The following RASEF variants were observed in gnomAD, a reference collection of about 807,000 sequenced individuals.
RASEF encodes the protein RAS and EF-hand domain containing.
A neutral mutation model predicts 90.1 loss-of-function variants in RASEF; 68 were observed. That is an observed-to-expected ratio of 0.75 (90% CI 0.62 to 0.92). The LOEUF is 0.92. Among genes scored for constraint, RASEF ranks in the 40% least tolerant of loss-of-function variants. The pLI is 0.00. For missense variants in RASEF, 949 were observed against 937.2 expected (o/e 1.01, Z -0.16); for synonymous variants, 331 against 345.2 (o/e 0.96, Z 0.46).
the RASEF span, among the ~76,000 whole-genome samples, chr9:83,069,563 GTTGA>G: frequency 6.6e-6 from 1 of 152,138 alleles, no homozygotes; most frequent in Non-Finnish European, 1.5e-5. Flanking sequence ...CCATTACTTT[GTTGA>G]TTGATATTTG....
the RASEF span, among the ~76,000 whole-genome samples, chr9:83,213,454 C>A: frequency 6.6e-6 from 1 of 151,650 alleles, no homozygotes; most frequent in Non-Finnish European, 1.5e-5. Flanking sequence ...ACTACATATT[C>A]TAAAAGAAGA....
chr9:83,057,220 T>C (rs1041768013), intron 1 of RASEF, among the ~76,000 whole-genome samples: 4 of 152,058 alleles, frequency 2.6e-5, no homozygotes, highest in African/African-American at 7.2e-5. Context: ...AATAAACCCA[T>C]CCAAATTGGA....
chr9:83,213,139 T>A, the RASEF span, among the ~76,000 whole-genome samples: 1 of 150,002 alleles, frequency 6.7e-6, no homozygotes, highest in Admixed American at 6.6e-5. Context: ...GTGGCTCACA[T>A]CTGTAATCTC....
the RASEF span, among the ~76,000 whole-genome samples, chr9:83,212,507 G>A: frequency 7.2e-5 from 11 of 152,332 alleles, no homozygotes; most frequent in East Asian, 2.1e-3. Flanking sequence ...TAAGAGCATT[G>A]TATACAACTG....
the RASEF span, among the ~76,000 whole-genome samples, chr9:83,133,530 C>T: frequency 2.0e-5 from 3 of 152,082 alleles, no homozygotes; most frequent in Non-Finnish European, 4.4e-5. Flanking sequence ...AATGATCTAA[C>T]CTATGACTCA....
chr9:83,041,612 T>C (rs561489037), intron 1 of RASEF, among the ~76,000 whole-genome samples: 3 of 152,336 alleles, frequency 2.0e-5, no homozygotes, highest in African/African-American at 4.8e-5. Flanking sequence ...TCCATGGTGC[T>C]TGGGGTACAT....
Position 83,019,233 on chromosome 9 carries a change from T to G in RASEF, c.669+3103A>C, listed in dbSNP as rs1321425734. Among the ~76,000 whole-genome samples the G allele has an allele frequency of 2.0e-5, 3 of 152,008 alleles. No homozygotes were observed. In the East Asian group the frequency reaches 5.8e-4, roughly 29 times the overall value. ...CAGGTATCTGATAAAAGACTTGCAT[T>G]CAGAATATAAAAGAACTCTCAAAAC... On this transcript the variant is annotated intron_variant, in intron 3 of 16. Coordinates refer to ENST00000376447, the MANE Select transcript of RASEF (RefSeq NM_152573.4).
At position 82,987,397 on chromosome 9, in the gene RASEF, A is replaced by T. The variant is rs952353496; in HGVS notation, c.2117+2994T>A. ...CTTATCTTATTTCTTTACTTGTCTAAAGCTTTTTAAAATAACTATAACCTA... is the reference window on the plus strand; with the variant it reads ...CTTATCTTATTTCTTTACTTGTCTATAGCTTTTTAAAATAACTATAACCTA... On this transcript the variant is annotated intron_variant, in intron 16 of 16. Transcript: ENST00000376447. 5.3e-5 allele frequency among the ~76,000 whole-genome samples: 8 copies of T among 152,342 alleles called. No individual in the cohort carries two copies. The South Asian group carries it at 1.7e-3, about 32-fold the overall frequency.
At chr9:83,142,966 T>C in the RASEF span, among the ~76,000 whole-genome samples, 2 of 152,190 alleles carry the variant, frequency 1.3e-5, no homozygotes, top group South Asian at 2.1e-4. Flanking sequence ...CGAGTGAAAG[T>C]TGGTGAAGTA....
At chr9:83,016,261 TG>T (rs1443654747) in intron 3 of RASEF, among the ~76,000 whole-genome samples, 1 of 152,200 alleles carries the variant, frequency 6.6e-6, no homozygotes, top group African/African-American at 2.4e-5. Flanking sequence ...AATCCTATCA[TG>T]TCATCAGGAC....
At chr9:82,998,501 T>C (rs146269022) in intron 12 of RASEF, 55 bp from the exon 13 acceptor site, 2 of 1,152,488 alleles carry the variant, frequency 1.7e-6, no homozygotes, top group Non-Finnish European at 1.3e-6. Flanking sequence ...ATTGGCTTTT[T>C]ACTTTCAAGC....
the RASEF span, among the ~76,000 whole-genome samples, chr9:83,204,431 C>T: frequency 6.6e-6 from 1 of 152,186 alleles, no homozygotes; most frequent in Admixed American, 6.5e-5. Context: ...TCAAGCCCTT[C>T]ACTTACACTG....
the RASEF span, among the ~76,000 whole-genome samples, chr9:83,209,041 C>T: frequency 1.3e-5 from 2 of 152,220 alleles, no homozygotes; most frequent in African/African-American, 2.4e-5. Flanking sequence ...TATGGAGATG[C>T]CATTCAGTTG....
chr9:83,140,285 C>G, the RASEF span, among the ~76,000 whole-genome samples: 1 of 152,126 alleles, frequency 6.6e-6, no homozygotes, highest in African/African-American at 2.4e-5. Context: ...CAGGTGGGGA[C>G]AGAAACAGGA....
chr9:83,060,376 A>C (rs1408555991), intron 1 of RASEF, among the ~76,000 whole-genome samples: 3 of 152,368 alleles, frequency 2.0e-5, no homozygotes, highest in East Asian at 3.9e-4. Context: ...CAATACAGGG[A>C]GTTTCCTACA....
the RASEF span, among the ~76,000 whole-genome samples, chr9:83,090,146 T>C: frequency 6.6e-6 from 1 of 152,202 alleles, no homozygotes; most frequent in Non-Finnish European, 1.5e-5. Flanking sequence ...CTAGTGAATC[T>C]TGCATTTCAA....
the RASEF span, among the ~76,000 whole-genome samples, chr9:83,161,388 T>G: frequency 6.6e-6 from 1 of 151,766 alleles, no homozygotes; most frequent in African/African-American, 2.4e-5. Flanking sequence ...TTAATTGCCC[T>G]GCTGGGTTTC....
intron 1 of RASEF, among the ~76,000 whole-genome samples, chr9:83,056,128 G>T (rs188806986): frequency 6.6e-6 from 1 of 152,296 alleles, no homozygotes; most frequent in African/African-American, 2.4e-5. Flanking sequence ...ATAGACTAAG[G>T]CCTTAAGGGT....
chr9:83,064,397 A>ATCTTC (rs549294464), upstream of RASEF, among the ~76,000 whole-genome samples: 963 of 152,342 alleles, frequency 6.3e-3, 6 homozygotes, highest in African/African-American at 0.022. Context: ...AATGAATCTT[A>ATCTTC]TCATTAGTGC....
Sources: allele counts gnomAD v4.1 joint callset (sites outside exome capture counted in the v4.1 genomes callset), GRCh38; gene constraint gnomAD v4.1.1; transcripts MANE v1.5; gene names NCBI Gene and HGNC (gene_info 2026-07-23, HGNC 2026-07-21).